Variants in NBN observed in about 807,000 individuals in gnomAD.
NBN encodes the protein nibrin.
Under a neutral mutation model 90.8 loss-of-function variants are expected in NBN, and 88 were observed. That is an observed-to-expected ratio of 0.97 (90% CI 0.82 to 1.16). The LOEUF is 1.16. Among genes scored for constraint, NBN ranks in the 50% most tolerant of loss-of-function variants. The probability of loss-of-function intolerance (pLI) is 0.00; values close to 1 mark genes in which losing one functional copy is unlikely to be tolerated. For missense variants in NBN, 894 were observed against 869.6 expected, an observed-to-expected ratio of 1.03 and a Z score of -0.35; for synonymous variants, 328 against 295.1, an observed-to-expected ratio of 1.11 and a Z score of -1.14.
chr8:89,937,292 C>G (rs1809737610), intron 14 of NBN: 1 of 554,374 alleles, frequency 1.8e-6, no homozygotes, highest in Non-Finnish European at 3.2e-6. Flanking sequence ...ACAGCTTTCT[C>G]CCACCCATCT....
At chr8:89,936,800 G>T (rs1030941592) in intron 15 of NBN, among the ~76,000 whole-genome samples, 9 of 152,126 alleles carry the variant, frequency 5.9e-5, no homozygotes, top group African/African-American at 1.9e-4. Flanking sequence ...TTGCCTGAAT[G>T]CCCCCATACA....
At chr8:89,970,293 A>G in intron 7 of NBN, 71 bp downstream of exon 7, 1 of 1,336,480 alleles carries the variant, frequency 7.5e-7, no homozygotes, top group Non-Finnish European at 1.1e-6. Flanking sequence ...TGTTAGGTGA[A>G]AAGCAACAAA....
chr8:89,963,873 AT>A (rs1173049406), intron 8 of NBN, among the ~76,000 whole-genome samples: 5 of 152,158 alleles, frequency 3.3e-5, no homozygotes, highest in African/African-American at 9.7e-5. Flanking sequence ...GATTTCCACA[AT>A]AGCATTCTAT....
At chr8:89,976,622 T>C (rs1811771561) in intron 5 of NBN, among the ~76,000 whole-genome samples, 1 of 152,194 alleles carries the variant, frequency 6.6e-6, no homozygotes, top group Non-Finnish European at 1.5e-5. Context: ...CCGCGGCTGC[T>C]AACTCTTTAC....
chr8:89,947,744 G>T, intron 12 of NBN, 80 bp downstream of exon 12: 1 of 781,594 alleles, frequency 1.3e-6, no homozygotes, highest in Non-Finnish European at 2.2e-6. Context: ...ATAATCCTAA[G>T]AATGTAAAAT....
Position 89,970,440 on chromosome 8 carries a change from C to G in NBN, c.820G>C (p.Gly274Arg). Residue 274 changes from glycine (G) to arginine (R), a missense_variant, in exon 7 of 16, where the codon GGA (glycine) becomes CGA (arginine). By Grantham distance (125) the Gly-to-Arg change is moderately radical. Coordinates refer to ENST00000265433, the MANE Select transcript of NBN (RefSeq NM_002485.5). ...LAPGTCVVDT[G>R]ITNSQTLIPD... ...ATTAAGGTCTGTGAGTTTGTTATTC[C>G]TGTATCAACAACACACGTTCCCGGA... The G allele has an allele frequency of 6.2e-7, 1 of 1,613,970 alleles. No homozygotes were observed. Among genetic ancestry groups the G allele is most frequent in the Non-Finnish European group, 8.5e-7 (1 of 1,179,912 alleles).
chr8:89,954,517 C>A (rs1810604786), intron 10 of NBN, among the ~76,000 whole-genome samples: 1 of 149,818 alleles, frequency 6.7e-6, no homozygotes. Context: ...AAAATTGTAA[C>A]AACATAAGCT....
chr8:89,961,364 A>G (rs923003715), intron 8 of NBN, among the ~76,000 whole-genome samples: 1 of 152,208 alleles, frequency 6.6e-6, no homozygotes, highest in Non-Finnish European at 1.5e-5. Flanking sequence ...AATTAGTAAG[A>G]GCCTACAATC....
intron 9 of NBN, among the ~76,000 whole-genome samples, chr8:89,957,763 C>A (rs1810793192): frequency 6.6e-6 from 1 of 152,082 alleles, no homozygotes; most frequent in Admixed American, 6.6e-5. Context: ...CAGTAACATG[C>A]CATATAAGTG....
chr8:89,941,430 T>A (rs1029177630), intron 14 of NBN, among the ~76,000 whole-genome samples: 3 of 152,206 alleles, frequency 2.0e-5, no homozygotes, highest in Non-Finnish European at 4.4e-5. Context: ...AACAAATAAT[T>A]GTATGTGAAG....
chr8:89,956,654 T>C (rs1317772020), intron 9 of NBN, among the ~76,000 whole-genome samples: 1 of 152,218 alleles, frequency 6.6e-6, no homozygotes, highest in Non-Finnish European at 1.5e-5. Flanking sequence ...GTTGAACAAT[T>C]CTTTCCAGTC....
Position 89,941,290 on chromosome 8 carries a change from C to T in NBN, c.2184+1963G>A, listed in dbSNP as rs1012364609. ...ATGTATTCTGAGTGTTACTGGCTTT[C>T]GAGCTTAAGAAAGATGACTGGTCAT... On this transcript the variant is annotated intron_variant, in intron 14 of 15. Transcript: ENST00000265433. Among the ~76,000 whole-genome samples, 9 of 152,006 alleles carry T rather than the reference C, an allele frequency of 5.9e-5. No homozygotes were observed. The East Asian group carries it at 1.2e-3, about 20-fold the overall frequency.
chr8:89,947,846 A>G lies in NBN; in HGVS notation c.1892T>C (p.Leu631Pro). 1 of 1,583,284 alleles carries G rather than the reference A, an allele frequency of 6.3e-7. No homozygotes were observed. Among genetic ancestry groups the G allele is most frequent in the Non-Finnish European group, 8.6e-7 (1 of 1,156,186 alleles). ...GKKRELKEDSLWSAKEISNND... is the reference protein window; with the variant it reads ...GKKRELKEDSPWSAKEISNND... ...CACAGATATTTCTTTAGCTGACCAT[A>G]GTGAGTCTTCCTTGAGTTCACGTTT... Residue 631 changes from leucine to proline, a missense_variant, in exon 12 of 16, where the codon CTA becomes CCA. Coordinates refer to ENST00000265433, the MANE Select transcript of NBN (RefSeq NM_002485.5).
At chr8:89,964,960 A>C (rs1811179374) in intron 7 of NBN, among the ~76,000 whole-genome samples, 1 of 152,074 alleles carries the variant, frequency 6.6e-6, no homozygotes, top group Non-Finnish European at 1.5e-5. Context: ...CTAAAAATAC[A>C]AAAATTAGCT....
chr8:89,970,395 A>T lies in NBN; in HGVS notation c.865T>A (p.Trp289Arg), dbSNP rs1563559145. The change falls in exon 7 of 16, where the codon TGG (tryptophan) becomes AGG (arginine). Residue 289 changes from tryptophan to arginine, a missense_variant. Trp to Arg is a moderately radical substitution (Grantham distance 101). Transcript: ENST00000265433. Reference sequence around the variant, plus strand: ...AGCATATCCATTATTGACTGAATCCATTTCTTCTGACAGTCAGGAATTAAG... The same window carrying T: ...AGCATATCCATTATTGACTGAATCCTTTTCTTCTGACAGTCAGGAATTAAG... ...QTLIPDCQKKWIQSIMDMLQR... is the reference protein window; with the variant it reads ...QTLIPDCQKKRIQSIMDMLQR... 1.9e-6 allele frequency: 3 copies of T among 1,613,706 alleles called. No homozygotes were observed. Among genetic ancestry groups the T allele is most frequent in the Non-Finnish European group, 2.5e-6 (3 of 1,179,680 alleles).
chr8:89,955,328 T>G lies in NBN; in HGVS notation c.1352A>C (p.Gln451Pro), dbSNP rs1554559068. ...AAAGTAGTTTCTGATGGAGTTGGTCTGCTGCTGCTGAGAAGCCCTATCTTT... is the reference window on the plus strand; with the variant it reads ...AAAGTAGTTTCTGATGGAGTTGGTCGGCTGCTGCTGAGAAGCCCTATCTTT... ...KSKDRASQQQ[Q>P]TNSIRNYFQP... The change falls in exon 10 of 16, where the codon CAG (glutamine) becomes CCG (proline). Residue 451 changes from glutamine to proline, a missense_variant. Gln to Pro is a moderately conservative substitution (Grantham distance 76, BLOSUM62 -1). Coordinates refer to ENST00000265433, the MANE Select transcript of NBN (RefSeq NM_002485.5). The G allele has an allele frequency of 1.2e-6, 2 of 1,613,810 alleles. No homozygotes were observed. Among genetic ancestry groups the G allele is most frequent in the African/African-American group, 2.7e-5 (2 of 75,020 alleles).
chr8:89,978,943 AG>A (rs1425466278), intron 4 of NBN, among the ~76,000 whole-genome samples: 1 of 152,256 alleles, frequency 6.6e-6, no homozygotes, highest in Non-Finnish European at 1.5e-5. Flanking sequence ...AAAATGCTAC[AG>A]TGGGCAATGA....
At chr8:89,980,417 G>A (rs924308210) in intron 4 of NBN, among the ~76,000 whole-genome samples, 6 of 151,680 alleles carry the variant, frequency 4.0e-5, no homozygotes, top group African/African-American at 7.3e-5. Context: ...CTCTAGTTGC[G>A]TTGCTTTAAG....
At chr8:89,967,532 T>C (rs941612794) in intron 7 of NBN, among the ~76,000 whole-genome samples, 1 of 152,184 alleles carries the variant, frequency 6.6e-6, no homozygotes, top group Non-Finnish European at 1.5e-5. Context: ...GCATGTGTCA[T>C]GGACCAAGGA....
Sources: gnomAD v4.1 joint callset for allele counts (sites outside exome capture counted in the v4.1 genomes callset) on GRCh38, gnomAD v4.1.1 for gene constraint, MANE v1.5 for transcripts, NCBI Gene and HGNC (gene_info 2026-07-23, HGNC 2026-07-21) for gene names.